The following DAB1 variants were observed in gnomAD, a reference collection of about 807,000 sequenced individuals.
DAB1 encodes DAB adaptor protein 1.
Under a neutral mutation model 64.6 loss-of-function variants are expected in DAB1, and 15 were observed. That is an observed-to-expected ratio of 0.23 (90% CI 0.16 to 0.36). The LOEUF (loss-of-function observed/expected upper bound fraction) is 0.36, where lower values mean the gene tolerates loss of function less well. Among genes scored for constraint, DAB1 ranks in the 10% least tolerant of loss-of-function variants. The probability of loss-of-function intolerance (pLI) is 1.00; values close to 1 mark genes in which losing one functional copy is unlikely to be tolerated. For synonymous variants in DAB1, 235 were observed against 251.9 expected (o/e 0.93, Z 0.64); for missense variants, 596 against 706.7 (o/e 0.84, Z 1.78).
chr1:57,136,907 T>C (rs910019584), intron 3 of DAB1, among the ~76,000 whole-genome samples: 1 of 152,192 alleles, frequency 6.6e-6, no homozygotes, highest in Non-Finnish European at 1.5e-5. Context: ...GAATGGTGTC[T>C]AGATGTTCAG....
chr1:57,889,896 G>C (rs867932725), intron 5 of DAB1, among the ~76,000 whole-genome samples: 2 of 122,624 alleles, frequency 1.6e-5, no homozygotes, highest in Non-Finnish European at 3.4e-5. Context: ...GCACAAACTG[G>C]GGCGGGGGGG....
chr1:58,534,988 A>C (rs1646494240), intron 1 of DAB1, among the ~76,000 whole-genome samples: 1 of 152,242 alleles, frequency 6.6e-6, no homozygotes, highest in Admixed American at 6.5e-5. Context: ...ATTTCATCTA[A>C]GTAAAATACA....
intron 1 of DAB1, chr1:58,536,565 A>T (rs1168394744): frequency 3.0e-5 from 26 of 872,738 alleles, no homozygotes; most frequent in Non-Finnish European, 4.6e-5. Flanking sequence ...CCCCAATAAT[A>T]GTAGCTTGCT....
At chr1:57,886,435 C>T (rs1347154266), upstream of DAB1, among the ~76,000 whole-genome samples, 3 of 152,160 alleles carry the variant, frequency 2.0e-5, no homozygotes, top group South Asian at 2.1e-4. Flanking sequence ...GGGTTACAGG[C>T]GTGAGCCACT....
At chr1:57,922,149 G>C (rs931063643) in intron 5 of DAB1, among the ~76,000 whole-genome samples, 16 of 152,070 alleles carry the variant, frequency 1.1e-4, no homozygotes, top group African/African-American at 3.9e-4. Context: ...TGACAATGTT[G>C]GTTCATCTGT....
intron 6 of DAB1, among the ~76,000 whole-genome samples, chr1:57,663,824 TAAAC>T (rs1326752952): frequency 2.0e-5 from 3 of 152,162 alleles, no homozygotes; most frequent in South Asian, 2.1e-4. Flanking sequence ...CTAATTAAAA[TAAAC>T]AGGAACTGAG....
At chr1:58,181,955 T>C (rs865950472) in intron 4 of DAB1, among the ~76,000 whole-genome samples, 3 of 152,018 alleles carry the variant, frequency 2.0e-5, no homozygotes, top group Admixed American at 1.3e-4. Context: ...CCAGAAAACT[T>C]TCTTTACTCT....
intron 1 of DAB1, among the ~76,000 whole-genome samples, chr1:57,361,488 A>T (rs927223548): frequency 3.9e-5 from 6 of 152,258 alleles, no homozygotes; most frequent in Admixed American, 2.6e-4. Flanking sequence ...TTCCAATAAA[A>T]GGATTGTTCA....
At chr1:58,439,802 C>T (rs1008662886) in intron 3 of DAB1, among the ~76,000 whole-genome samples, 2 of 152,202 alleles carry the variant, frequency 1.3e-5, no homozygotes, top group Non-Finnish European at 2.9e-5. Flanking sequence ...CTGTATAAAG[C>T]ATTCAAAAGA....
chr1:57,768,181 A>AAG lies in DAB1; in HGVS notation n.551+115817_551+115818insCT, dbSNP rs1407201141. Among the ~76,000 whole-genome samples the AAG allele has an allele frequency of 7.1e-3, 1,075 of 150,538 alleles. 17 individuals carry two copies. Among genetic ancestry groups the AAG allele is most frequent in the African/African-American group, 0.025 (1,030 of 40,948 alleles). ...GACAAAGCGAGAATCTGTCTAAAAAAAAAAAAAAAAAAAAAAGTTGAGGTG... is the reference window on the plus strand; with the variant it reads ...GACAAAGCGAGAATCTGTCTAAAAAAAGAAAAAAAAAAAAAAAAGTTGAGGTG... On this transcript the variant is annotated intron_variant and non_coding_transcript_variant, in intron 6 of 20. Coordinates refer to the DAB1 transcript ENST00000485760.
chr1:57,473,861 A>G (rs1643897351), intron 7 of DAB1, among the ~76,000 whole-genome samples: 1 of 152,184 alleles, frequency 6.6e-6, no homozygotes, highest in Non-Finnish European at 1.5e-5. Flanking sequence ...TTATTTAACC[A>G]TAATAACCGT....
rs750173641 is a variant in DAB1, at chr1:58,410,802, G to A, written n.258-67399C>T. 3.4e-4 allele frequency among the ~76,000 whole-genome samples: 51 copies of A among 152,140 alleles called. 1 individual carries two copies. The highest frequency in any genetic ancestry group is 5.9e-4 in the Admixed American group (9 of 15,278). On this transcript the variant is annotated intron_variant and non_coding_transcript_variant, in intron 3 of 20. Transcript: ENST00000485760. Reference sequence around the variant, plus strand: ...AGTAATTGTCTTAGTAATGATGGAGGAGAACTGCTGTCCTCCTTCCCAATC... The same window carrying A: ...AGTAATTGTCTTAGTAATGATGGAGAAGAACTGCTGTCCTCCTTCCCAATC...
chr1:58,273,856 TC>T (rs1661364721), intron 4 of DAB1, among the ~76,000 whole-genome samples: 1 of 114,966 alleles, frequency 8.7e-6, no homozygotes, highest in Admixed American at 9.3e-5. Context: ...GGTTTTCAGC[TC>T]CATCAGCTCC....
rs544333210 is a variant in DAB1 at position 58,492,297 on chromosome 1, T to C, written n.257+13763A>G. Among the ~76,000 whole-genome samples, 7 of 151,560 alleles carry C rather than the reference T, an allele frequency of 4.6e-5. No individual in the cohort carries two copies. In the South Asian group the frequency reaches 8.4e-4, roughly 18 times the overall value. On this transcript the variant is annotated intron_variant and non_coding_transcript_variant, in intron 3 of 20. Transcript: ENST00000485760. The stretch of plus-strand genomic sequence containing the variant: ...GAGGGAAATTTATAGCACTAAATGC[T>C]CACAAAAGAAAGCAGGAAAGATCTA...
upstream of DAB1, among the ~76,000 whole-genome samples, chr1:57,888,790 A>T (rs960304379): frequency 2.8e-4 from 43 of 152,362 alleles, no homozygotes; most frequent in African/African-American, 1.0e-3. Flanking sequence ...AACATCTGAA[A>T]AAATATATAA....
chr1:57,463,680 T>G (rs188690096), intron 7 of DAB1, among the ~76,000 whole-genome samples: 16 of 152,314 alleles, frequency 1.1e-4, no homozygotes, highest in Admixed American at 3.9e-4. Flanking sequence ...ATTAGTAAGA[T>G]TCGACAGGAT....
intron 1 of DAB1, among the ~76,000 whole-genome samples, chr1:57,852,143 C>T (rs1374175438): frequency 6.6e-6 from 1 of 152,138 alleles, no homozygotes; most frequent in Admixed American, 6.5e-5. Flanking sequence ...AGCATGAAAC[C>T]TAGAAGGGTC....
intron 11 of DAB1, among the ~76,000 whole-genome samples, chr1:57,022,970 T>C (rs1171784242): frequency 1.3e-5 from 2 of 152,258 alleles, no homozygotes; most frequent in East Asian, 1.9e-4. Flanking sequence ...AAGTAGTAAA[T>C]ACATTTAAAG....
At chr1:57,363,615 A>G (rs1034770954) in intron 1 of DAB1, among the ~76,000 whole-genome samples, 2 of 152,174 alleles carry the variant, frequency 1.3e-5, no homozygotes, top group Non-Finnish European at 2.9e-5. Context: ...TAAGTTCTTA[A>G]TAAATATTAG....
Sources: gnomAD v4.1 joint callset for allele counts (sites outside exome capture counted in the v4.1 genomes callset) on GRCh38, gnomAD v4.1.1 for gene constraint, MANE v1.5 for transcripts, NCBI Gene and HGNC (gene_info 2026-07-23, HGNC 2026-07-21) for gene names.